The following RWDD4 variants were observed in gnomAD, a reference collection of about 807,000 sequenced individuals.
The protein encoded by RWDD4 is RWD domain containing 4, also known as RWD domain-containing protein 4.
Under a neutral mutation model 30.0 loss-of-function variants are expected in RWDD4, and 16 were observed. The observed-to-expected ratio is 0.53, with a 90% CI of 0.36 to 0.81. The LOEUF (loss-of-function observed/expected upper bound fraction) is 0.81, where lower values mean the gene tolerates loss of function less well. Among genes scored for constraint, RWDD4 ranks in the 30% least tolerant of loss-of-function variants. RWDD4 has a pLI of 0.00. For synonymous variants in RWDD4, 45 were observed against 72.1 expected (o/e 0.62, Z 1.90); for missense variants, 170 against 223.9 (o/e 0.76, Z 1.54).
chr4:183,649,604 C>A (rs183958262), intron 4 of RWDD4, 36 bp from the exon 5 acceptor site: 5 of 1,175,696 alleles, frequency 4.3e-6, no homozygotes, highest in Non-Finnish European at 6.2e-6. Context: ...AGCCTCATAC[C>A]TTACAACTTG....
chr4:183,640,101 G>T lies in RWDD4; in HGVS notation c.*1335C>A, dbSNP rs1215380222. On this transcript the variant is annotated 3_prime_UTR_variant, in exon 8 of 8. Transcript: ENST00000326397. ...AATTCAAGAAATAAAATGAGAAACA[G>T]CTTTGAAAATGAGATTAACTCCTTT... is the stretch of plus-strand genomic sequence containing the variant. The T allele has an allele frequency of 1.4e-5, 2 of 147,906 alleles. No individual in the cohort carries two copies. Among genetic ancestry groups the T allele is most frequent in the African/African-American group, 5.0e-5 (2 of 39,916 alleles). 9.2% of individuals were successfully genotyped at this position (147,906 alleles called of 1,614,324 possible).
intron 2 of RWDD4, among the ~76,000 whole-genome samples, chr4:183,651,964 C>T (rs1301521423): frequency 2.6e-5 from 4 of 152,180 alleles, no homozygotes; most frequent in Non-Finnish European, 1.5e-5. Context: ...ATCTTATTCA[C>T]CAAATACTTT....
chr4:183,652,708 G>T (rs1734106962), intron 2 of RWDD4, among the ~76,000 whole-genome samples: 4 of 151,756 alleles, frequency 2.6e-5, no homozygotes, highest in Admixed American at 2.0e-4. Flanking sequence ...TGCTCAGGAG[G>T]CTGAGGCAGG....
chr4:183,651,245 G>T lies in RWDD4; in HGVS notation c.188C>A (p.Ser63Tyr). The T allele has an allele frequency of 6.2e-7, 1 of 1,613,510 alleles. No homozygotes were observed. The highest frequency in any genetic ancestry group is 8.5e-7 in the Non-Finnish European group (1 of 1,179,882). ...ETYPQTPPIL[S>Y]MNAFFNNTIS... ...GGTGTTGTTAAAAAAAGCGTTCATA[G>T]ATAGAATTGGAGGTGTTTGGGGATA... Residue 63 changes from serine (S) to tyrosine (Y), a missense_variant, in exon 3 of 8, where the codon TCT becomes TAT. Coordinates refer to ENST00000326397, the MANE Select transcript of RWDD4 (RefSeq NM_152682.4).
At chr4:183,650,953 G>C (rs1018516815) in intron 4 of RWDD4, 31 bp downstream of exon 4, 1 of 1,589,590 alleles carries the variant, frequency 6.3e-7, no homozygotes, top group Non-Finnish European at 8.6e-7. Context: ...AACAACAAAA[G>C]AATCCGGCAA....
intron 2 of RWDD4, among the ~76,000 whole-genome samples, chr4:183,651,868 T>C (rs1363504841): frequency 6.6e-6 from 1 of 152,226 alleles, no homozygotes; most frequent in East Asian, 1.9e-4. Flanking sequence ...AAGACGCCCT[T>C]GTTTCTTCCG....
chr4:183,648,248 G>GAAAAAAA (rs1207009091), intron 5 of RWDD4, among the ~76,000 whole-genome samples: 35 of 101,656 alleles, frequency 3.4e-4, no homozygotes, highest in Admixed American at 7.6e-4. Flanking sequence ...AAAGAAAAAA[G>GAAAAAAA]AAAAAAAAAA....
chr4:183,646,242 T>C (rs1733963579), intron 7 of RWDD4, 109 bp downstream of exon 7: 4 of 707,794 alleles, frequency 5.7e-6, no homozygotes, highest in Non-Finnish European at 1.0e-5. Context: ...AGTCATACTA[T>C]ATTGTAGTTT....
At chr4:183,658,558 G>T (rs919793389) in intron 1 of RWDD4, among the ~76,000 whole-genome samples, 1 of 152,160 alleles carries the variant, frequency 6.6e-6, no homozygotes, top group Non-Finnish European at 1.5e-5. Flanking sequence ...CTAGCCAAGA[G>T]ATTTAAAGAT....
At chr4:183,646,876 G>A (rs1392424474) in intron 5 of RWDD4, among the ~76,000 whole-genome samples, 1 of 152,124 alleles carries the variant, frequency 6.6e-6, no homozygotes, top group African/African-American at 2.4e-5. Flanking sequence ...CTTTATATAA[G>A]AGGTCATTGC....
At chr4:183,658,787 G>T in intron 1 of RWDD4, 142 bp downstream of exon 1, 2 of 643,086 alleles carry the variant, frequency 3.1e-6, no homozygotes, top group Non-Finnish European at 4.4e-6. Flanking sequence ...TGGGTGGGAC[G>T]CCGGTGAACT....
chr4:183,644,391 G>T (rs1733926247), intron 7 of RWDD4, among the ~76,000 whole-genome samples: 1 of 152,180 alleles, frequency 6.6e-6, no homozygotes, highest in East Asian at 1.9e-4. Flanking sequence ...AAATATTTTT[G>T]TACTAGTTAC....
intron 2 of RWDD4, among the ~76,000 whole-genome samples, chr4:183,654,127 C>T (rs532684978): frequency 2.8e-4 from 43 of 151,976 alleles, no homozygotes; most frequent in South Asian, 2.1e-3. Context: ...AAAAAATACA[C>T]GGGGGGAAAT....
At chr4:183,654,796 G>A (rs1180741698) in intron 2 of RWDD4, among the ~76,000 whole-genome samples, 1 of 152,130 alleles carries the variant, frequency 6.6e-6, no homozygotes, top group Admixed American at 6.5e-5. Context: ...AAAGGGAATT[G>A]AGAACAGAAA....
At chr4:183,644,759 C>T (rs747810113) in intron 7 of RWDD4, among the ~76,000 whole-genome samples, 23 of 150,450 alleles carry the variant, frequency 1.5e-4, no homozygotes, top group Non-Finnish European at 2.8e-4. Flanking sequence ...GCCTGGGTGA[C>T]GGAGCGAGAC....
At chr4:183,654,057 G>C (rs1734135551) in intron 2 of RWDD4, among the ~76,000 whole-genome samples, 1 of 152,144 alleles carries the variant, frequency 6.6e-6, no homozygotes, top group Non-Finnish European at 1.5e-5. Flanking sequence ...AGAGGCAGGG[G>C]AATAATGGAC....
At chr4:183,652,338 C>T (rs986941220) in intron 2 of RWDD4, among the ~76,000 whole-genome samples, 2 of 150,498 alleles carry the variant, frequency 1.3e-5, no homozygotes, top group Non-Finnish European at 2.9e-5. Context: ...TAATTTACAA[C>T]AGTCCCCAGC....
chr4:183,656,525 G>C (rs1333562923), intron 1 of RWDD4, among the ~76,000 whole-genome samples: 1 of 152,292 alleles, frequency 6.6e-6, no homozygotes, highest in East Asian at 1.9e-4. Flanking sequence ...AATGTAACTA[G>C]TAATCCTTGC....
intron 1 of RWDD4, among the ~76,000 whole-genome samples, chr4:183,658,365 A>G (rs1428134996): frequency 6.6e-6 from 1 of 152,162 alleles, no homozygotes; most frequent in Non-Finnish European, 1.5e-5. Context: ...TATATGATTC[A>G]ATGTCAAAAT....
Sources: gnomAD v4.1 joint callset for allele counts (sites outside exome capture counted in the v4.1 genomes callset) on GRCh38, gnomAD v4.1.1 for gene constraint, MANE v1.5 for transcripts, NCBI Gene and HGNC (gene_info 2026-07-23, HGNC 2026-07-21) for gene names.